Variants in EPB41L3 observed in about 807,000 individuals in gnomAD.
EPB41L3 encodes the protein erythrocyte membrane protein band 4.1 like 3.
Under a neutral mutation model 127.1 loss-of-function variants are expected in EPB41L3, and 57 were observed. The ratio of observed to expected loss-of-function variants is 0.45; its 90% CI spans 0.36 to 0.56. The LOEUF (loss-of-function observed/expected upper bound fraction) is 0.56, where lower values mean the gene tolerates loss of function less well. Among genes scored for constraint, EPB41L3 ranks in the 20% least tolerant of loss-of-function variants. The probability of loss-of-function intolerance (pLI) is 0.00; values close to 1 mark genes in which losing one functional copy is unlikely to be tolerated. For missense variants in EPB41L3, 1,273 were observed against 1,372.2 expected, an observed-to-expected ratio of 0.93 and a Z score of 1.14; for synonymous variants, 572 against 549.5, an observed-to-expected ratio of 1.04 and a Z score of -0.57.
intron 5 of EPB41L3, 109 bp downstream of exon 5, chr18:5,443,729 A>C (rs921079763): frequency 3.8e-6 from 3 of 792,086 alleles, no homozygotes; most frequent in Non-Finnish European, 6.1e-6. Flanking sequence ...AATTTGAGAT[A>C]AGAAAAGCTT....
chr18:5,475,934 C>A (rs901389874), intron 3 of EPB41L3, among the ~76,000 whole-genome samples: 1 of 152,056 alleles, frequency 6.6e-6, no homozygotes, highest in Admixed American at 6.6e-5. Context: ...CTGAAGCACA[C>A]CTTCCCTGGC....
At chr18:5,585,095 G>A (rs1399616156) in intron 3 of EPB41L3, among the ~76,000 whole-genome samples, 1 of 152,128 alleles carries the variant, frequency 6.6e-6, no homozygotes, top group Non-Finnish European at 1.5e-5. Flanking sequence ...AAAAGAAAAA[G>A]GAAAATAAAC....
At chr18:5,394,886 A>G in intron 21 of EPB41L3, 93 bp from the exon 22 acceptor site, 2 of 1,261,662 alleles carry the variant, frequency 1.6e-6, no homozygotes, top group Non-Finnish European at 2.3e-6. Context: ...CTAGATCTAT[A>G]TCCACAATTT....
chr18:5,467,894 G>A (rs2085304602), intron 3 of EPB41L3, among the ~76,000 whole-genome samples: 1 of 152,158 alleles, frequency 6.6e-6, no homozygotes, highest in Admixed American at 6.5e-5. Flanking sequence ...GAACAGGTGG[G>A]AGCCTCACCT....
At chr18:5,404,315 CA>C (rs2075006747) in intron 16 of EPB41L3, among the ~76,000 whole-genome samples, 1 of 152,196 alleles carries the variant, frequency 6.6e-6, no homozygotes, top group South Asian at 2.1e-4. Flanking sequence ...TCTCCATTCA[CA>C]GTGTGACGGA....
At chr18:5,485,333 T>A (rs1157130905) in intron 2 of EPB41L3, among the ~76,000 whole-genome samples, 1 of 151,968 alleles carries the variant, frequency 6.6e-6, no homozygotes, top group Non-Finnish European at 1.5e-5. Context: ...AAAATCAGTA[T>A]AGAAGAACAT....
chr18:5,436,467 G>A (rs2079837322), intron 6 of EPB41L3, among the ~76,000 whole-genome samples: 4 of 137,326 alleles, frequency 2.9e-5, no homozygotes, highest in Non-Finnish European at 6.1e-5. Flanking sequence ...GGAGTGCAGT[G>A]GCGCGATCTC....
In EPB41L3 at chr18:5,416,026, C is replaced by A; in HGVS notation, c.1859G>T (p.Ser620Ile). The A allele has an allele frequency of 6.2e-7, 1 of 1,613,964 alleles. No individual in the cohort carries two copies. The highest frequency in any genetic ancestry group is 8.5e-7 in the Non-Finnish European group (1 of 1,179,948). The change falls in exon 13 of 23, where the codon AGC (serine) becomes ATC (isoleucine). Residue 620 changes from serine (S) to isoleucine (I), a missense_variant. Coordinates refer to ENST00000341928, the MANE Select transcript of EPB41L3 (RefSeq NM_012307.5). ...NLSETNLLPQ[S>I]LQHYLPIRSP... is the part of the protein sequence containing the mutation. ...GCGGATCGGGAGGTAATGCTGCAAG[C>A]TCTGGGGCAGGAGGTTGGTTTCAGA...
intron 1 of EPB41L3, among the ~76,000 whole-genome samples, chr18:5,528,297 T>G (rs2093300423): frequency 6.6e-6 from 1 of 152,048 alleles, no homozygotes; most frequent in Admixed American, 6.6e-5. Flanking sequence ...GCCTCCCCAG[T>G]AGTAGCTGGA....
rs900226773 is a variant in EPB41L3, at chr18:5,454,044, C to T, written c.382-8800G>A. Among the ~76,000 whole-genome samples the T allele has an allele frequency of 3.5e-4, 54 of 152,184 alleles. 1 individual carries two copies. The highest frequency in any genetic ancestry group is 2.7e-3 in the Admixed American group (41 of 15,290). The stretch of plus-strand genomic sequence containing the variant: ...TCAAGGATGGAGACTCTAAAGAGTT[C>T]GGCAAACTCTCTGGGCCACAGCTTG... On this transcript the variant is annotated intron_variant, in intron 3 of 22. Coordinates refer to ENST00000341928, the MANE Select transcript of EPB41L3 (RefSeq NM_012307.5).
chr18:5,430,248 C>T (rs1249357495), intron 8 of EPB41L3, among the ~76,000 whole-genome samples: 1 of 152,196 alleles, frequency 6.6e-6, no homozygotes, highest in African/African-American at 2.4e-5. Flanking sequence ...ATCTCTAGTA[C>T]ACCCTTAGCA....
chr18:5,417,517 C>T (rs1208649535), intron 12 of EPB41L3, among the ~76,000 whole-genome samples: 3 of 152,080 alleles, frequency 2.0e-5, no homozygotes, highest in South Asian at 4.2e-4. Flanking sequence ...AGTAATTAGA[C>T]TTCTGCTGAT....
At chr18:5,423,133 A>G (rs2077688460) in intron 11 of EPB41L3, among the ~76,000 whole-genome samples, 2 of 152,112 alleles carry the variant, frequency 1.3e-5, no homozygotes, top group African/African-American at 4.8e-5. Context: ...TATGAAAGCT[A>G]TTTTCTTCAT....
intron 3 of EPB41L3, among the ~76,000 whole-genome samples, chr18:5,592,944 A>G (rs542050897): frequency 4.3e-4 from 65 of 152,360 alleles, no homozygotes; most frequent in Non-Finnish European, 7.1e-4. Flanking sequence ...ATCTGTCAGC[A>G]TCTTTCCATC....
chr18:5,527,705 A>C (rs1401950956), intron 1 of EPB41L3, among the ~76,000 whole-genome samples: 2 of 152,224 alleles, frequency 1.3e-5, no homozygotes, highest in African/African-American at 4.8e-5. Context: ...GGCTACACTA[A>C]GCGGCAAAGG....
chr18:5,475,267 A>C (rs2086943943), intron 3 of EPB41L3, among the ~76,000 whole-genome samples: 1 of 152,194 alleles, frequency 6.6e-6, no homozygotes, highest in Non-Finnish European at 1.5e-5. Flanking sequence ...TGTTCAAATA[A>C]ATTAGTTGCT....
intron 3 of EPB41L3, among the ~76,000 whole-genome samples, chr18:5,449,888 G>A (rs780269046): frequency 2.6e-5 from 4 of 152,062 alleles, no homozygotes; most frequent in Non-Finnish European, 5.9e-5. Flanking sequence ...TTATAAAATA[G>A]GCACAGTAAG....
chr18:5,612,574 A>T (rs1355932527), intron 2 of EPB41L3: 3 of 152,278 alleles, frequency 2.0e-5, no homozygotes, highest in Non-Finnish European at 1.5e-5. Context: ...CACTGCAGAT[A>T]TGCAGACTGT....
chr18:5,560,660 T>C (rs1337286242), intron 3 of EPB41L3, among the ~76,000 whole-genome samples: 1 of 152,118 alleles, frequency 6.6e-6, no homozygotes, highest in Non-Finnish European at 1.5e-5. Context: ...TTCAGGTACA[T>C]TGATCAGGAA....
Sources: allele counts gnomAD v4.1 joint callset (sites outside exome capture counted in the v4.1 genomes callset), GRCh38; gene constraint gnomAD v4.1.1; transcripts MANE v1.5; gene names NCBI Gene and HGNC (gene_info 2026-07-23, HGNC 2026-07-21).